The following NBEA variants were observed in gnomAD, a reference collection of about 807,000 sequenced individuals.
NBEA encodes neurobeachin.
A neutral mutation model predicts 343.4 loss-of-function variants in NBEA; 44 were observed. That is an observed-to-expected ratio of 0.13 (90% CI 0.10 to 0.16). The LOEUF (loss-of-function observed/expected upper bound fraction) is 0.16, where lower values mean the gene tolerates loss of function less well. NBEA is among the 10% of genes least tolerant of loss of function. The probability of loss-of-function intolerance (pLI) is 1.00; values close to 1 mark genes in which losing one functional copy is unlikely to be tolerated. For synonymous variants in NBEA, 1,175 were observed against 1,238.7 expected, an observed-to-expected ratio of 0.95 and a Z score of 1.08; for missense variants, 2,555 against 3,631.3, an observed-to-expected ratio of 0.70 and a Z score of 7.62.
chr13:35,432,129 C>A (rs1477119877), intron 38 of NBEA, 140 bp from the exon 39 acceptor site: 1 of 474,564 alleles, frequency 2.1e-6, no homozygotes. Context: ...TACACAAATA[C>A]AAGTGTAAAA....
intron 1 of NBEA, among the ~76,000 whole-genome samples, chr13:34,999,364 T>C (rs909213068): frequency 2.6e-5 from 4 of 152,070 alleles, no homozygotes; most frequent in African/African-American, 9.7e-5. Flanking sequence ...AAAATTTTGT[T>C]TTCTCACAGC....
At chr13:35,362,606 C>T (rs994373874) in intron 38 of NBEA, among the ~76,000 whole-genome samples, 8 of 151,786 alleles carry the variant, frequency 5.3e-5, no homozygotes, top group South Asian at 2.1e-4. Flanking sequence ...GATGACTCAC[C>T]CATGCCCACC....
intron 41 of NBEA, among the ~76,000 whole-genome samples, chr13:35,529,040 A>T (rs1475574039): frequency 3.3e-5 from 5 of 152,162 alleles, no homozygotes; most frequent in African/African-American, 1.2e-4. Context: ...TAATGATAGT[A>T]AATAACTTTG....
At chr13:35,014,833 C>G (rs555422663) in intron 1 of NBEA, among the ~76,000 whole-genome samples, 31 of 152,102 alleles carry the variant, frequency 2.0e-4, no homozygotes, top group African/African-American at 7.5e-4. Context: ...CTGCAGCAGT[C>G]CCGCTGCCAG....
Position 35,123,519 on chromosome 13 carries a change from A to G in NBEA, c.2281A>G (p.Ile761Val). 6.5e-7 allele frequency: 1 copy of G among 1,541,640 alleles called. No individual in the cohort carries two copies. The highest frequency in any genetic ancestry group is 8.8e-7 in the Non-Finnish European group (1 of 1,139,192). ...ATTATTGGCTTCTAAAAGTGAAAGT[A>G]TTTGGGTTCAAGCTTTGAAGGTTCT... The part of the protein sequence containing the change: ...YKLLASKSES[I>V]WVQALKVLGY... Residue 761 changes from isoleucine to valine, a missense_variant, in exon 17 of 59, where the codon ATT becomes GTT. Around this residue, in one of 21 missense-constraint regions of NBEA, gnomAD observed 360 missense variants for 519.1 expected, o/e 0.69. Coordinates refer to ENST00000379939, the MANE Select transcript of NBEA (RefSeq NM_001385012.1).
intron 8 of NBEA, among the ~76,000 whole-genome samples, chr13:35,063,794 A>T (rs2063549846): frequency 6.6e-6 from 1 of 151,948 alleles, no homozygotes; most frequent in Non-Finnish European, 1.5e-5. Flanking sequence ...ATTTTTGATA[A>T]AGCATATCTA....
intron 44 of NBEA, among the ~76,000 whole-genome samples, chr13:35,561,917 A>G (rs1003498699): frequency 6.6e-6 from 1 of 152,150 alleles, no homozygotes; most frequent in Admixed American, 6.5e-5. Context: ...TATTCTATTT[A>G]TAAATTTAAT....
In NBEA at chr13:35,293,342, C is replaced by G. The variant is rs554045664; in HGVS notation, c.5838+2892C>G. ...TGATATATTTATCATTCCACAAATACCCAAAACATTTTTGACTGTATTCTG... is the reference window on the plus strand; with the variant it reads ...TGATATATTTATCATTCCACAAATAGCCAAAACATTTTTGACTGTATTCTG... On this transcript the variant is annotated intron_variant, in intron 35 of 58. Transcript: ENST00000379939. 2.1e-3 allele frequency among the ~76,000 whole-genome samples: 322 copies of G among 152,002 alleles called. 1 individual carries two copies. Among genetic ancestry groups the G allele is most frequent in the African/African-American group, 7.5e-3 (311 of 41,524 alleles).
chr13:35,552,277 G>T (rs1321806665), intron 43 of NBEA, among the ~76,000 whole-genome samples: 1 of 152,138 alleles, frequency 6.6e-6, no homozygotes, highest in Admixed American at 6.5e-5. Flanking sequence ...GTGCCTAATT[G>T]CAGCAGTGCT....
At chr13:35,124,767 T>TACACACATATATGGATATATAC (rs2067021018) in intron 17 of NBEA, among the ~76,000 whole-genome samples, 1 of 150,012 alleles carries the variant, frequency 6.7e-6, no homozygotes, top group African/African-American at 2.5e-5. Context: ...TGGATATATA[T>TACACACATATATGGATATATAC]ACACACATAT....
intron 48 of NBEA, among the ~76,000 whole-genome samples, chr13:35,613,276 T>C (rs7336909): frequency 0.22 from 33,655 of 150,276 alleles, 3,965 homozygotes; most frequent in Non-Finnish European, 0.24. Flanking sequence ...TTAGATTCCA[T>C]ACATAAGTGA....
At chr13:35,559,271 GTTC>G (rs763707898) in intron 44 of NBEA, among the ~76,000 whole-genome samples, 39 of 152,276 alleles carry the variant, frequency 2.6e-4, no homozygotes, top group Non-Finnish European at 4.4e-4. Context: ...ACCCTTCAGA[GTTC>G]TCTTATGATC....
chr13:35,509,403 G>C (rs530579822), intron 41 of NBEA, among the ~76,000 whole-genome samples: 1 of 152,154 alleles, frequency 6.6e-6, no homozygotes, highest in Admixed American at 6.5e-5. Context: ...GTGAGCGAGT[G>C]AGTGCTTGCA....
intron 1 of NBEA, among the ~76,000 whole-genome samples, chr13:34,946,335 A>G (rs766373735): frequency 6.6e-6 from 1 of 152,156 alleles, no homozygotes; most frequent in Non-Finnish European, 1.5e-5. Flanking sequence ...TTGTAAACAC[A>G]CTTAACATAT....
chr13:35,354,789 T>G (rs774810949), intron 38 of NBEA, among the ~76,000 whole-genome samples: 3 of 152,158 alleles, frequency 2.0e-5, no homozygotes, highest in Non-Finnish European at 4.4e-5. Context: ...GTCCCATGAT[T>G]TAAAAATACT....
intron 38 of NBEA, among the ~76,000 whole-genome samples, chr13:35,427,088 G>A (rs953629328): frequency 6.6e-6 from 1 of 152,040 alleles, no homozygotes; most frequent in Non-Finnish European, 1.5e-5. Context: ...ACTTCCTCCT[G>A]TAGCTCAGAG....
intron 33 of NBEA, among the ~76,000 whole-genome samples, chr13:35,218,100 T>C (rs530139731): frequency 6.6e-6 from 1 of 152,168 alleles, no homozygotes; most frequent in South Asian, 2.1e-4. Flanking sequence ...AAAGGAAACA[T>C]GGATGATGGG....
chr13:35,139,745 T>TTTTG (rs2067970457), intron 17 of NBEA, among the ~76,000 whole-genome samples: 1 of 47,194 alleles, frequency 2.1e-5, no homozygotes, highest in South Asian at 5.8e-4. Flanking sequence ...ATGGATGGCG[T>TTTTG]TTTTTTTTTT....
chr13:35,341,577 A>G (rs960881855), intron 36 of NBEA, among the ~76,000 whole-genome samples: 10 of 152,098 alleles, frequency 6.6e-5, no homozygotes, highest in Non-Finnish European at 1.3e-4. Context: ...TTAAAAATGA[A>G]TAGAAGATAC....
Sources: allele counts gnomAD v4.1 joint callset (sites outside exome capture counted in the v4.1 genomes callset), GRCh38; gene constraint gnomAD v4.1.1; regional missense constraint gnomAD v4.1.1; transcripts MANE v1.5; gene names NCBI Gene and HGNC (gene_info 2026-07-23, HGNC 2026-07-21).